TENM1: variants seen among roughly 807,000 people sequenced by gnomAD.
TENM1 encodes teneurin-1.
TENM1 carries 35 observed loss-of-function variants against 174.8 expected under a neutral mutation model. That is an observed-to-expected ratio of 0.20 (90% CI 0.15 to 0.27). The LOEUF is 0.27. TENM1 is among the 10% of genes least tolerant of loss of function. The pLI is 1.00. For synonymous variants in TENM1, 781 were observed against 798.7 expected (o/e 0.98, Z 0.37); for missense variants, 1,633 against 2,130.1 (o/e 0.77, Z 4.59).
At chrX:125,093,793 G>T in the TENM1 span, among the ~76,000 whole-genome samples, 1 of 111,550 alleles carries the variant, frequency 9.0e-6, no homozygotes, top group Non-Finnish European at 1.9e-5. Context: ...ATCATTTCAA[G>T]AAATATTATA....
chrX:125,201,250 C>G, the TENM1 span, among the ~76,000 whole-genome samples: 5 of 112,147 alleles, frequency 4.5e-5, no homozygotes, highest in Non-Finnish European at 7.5e-5. Context: ...CATATAATAG[C>G]TGAATTGAAA....
chrX:124,403,331 G>A (rs1364229207), intron 27 of TENM1, among the ~76,000 whole-genome samples: 1 of 108,829 alleles, frequency 9.2e-6, no homozygotes, highest in Non-Finnish European at 1.9e-5. Context: ...CCATCCTGGC[G>A]AACACGGTGA....
In TENM1 at chrX:124,765,430, T is replaced by TG. The variant is rs777264681; in HGVS notation, c.536-28234dup. On this transcript the variant is annotated intron_variant, in intron 3 of 31. Coordinates refer to ENST00000422452, the Ensembl canonical transcript of TENM1. ...AATGACTCTCATAGCACCTGCAGTG[T>TG]GGTACACAGCCAGTACTTAGCAAAT... Among the ~76,000 whole-genome samples, 831 of 112,060 alleles carry TG rather than the reference T, an allele frequency of 7.4e-3. 6 individuals are homozygous for TG. Among genetic ancestry groups the TG allele is most frequent in the Non-Finnish European group, 9.8e-3 (522 of 53,176 alleles).
At chrX:124,731,224 G>A (rs1239029262) in intron 4 of TENM1, among the ~76,000 whole-genome samples, 1 of 111,789 alleles carries the variant, frequency 8.9e-6, no homozygotes, top group Non-Finnish European at 1.9e-5. Context: ...AAGAGCAAGG[G>A]TAGGAGAGAC....
intron 3 of TENM1, among the ~76,000 whole-genome samples, chrX:124,841,501 A>G (rs944748747): frequency 4.5e-5 from 5 of 110,660 alleles, no homozygotes; most frequent in African/African-American, 1.6e-4. Context: ...ATCATGCACA[A>G]TTGCTTCTGT....
At chrX:124,647,483 T>C (rs2051188304) in intron 8 of TENM1, among the ~76,000 whole-genome samples, 1 of 111,334 alleles carries the variant, frequency 9.0e-6, no homozygotes, top group South Asian at 3.8e-4. Context: ...TCAGATGAAT[T>C]GAGATGGCTT....
the TENM1 span, among the ~76,000 whole-genome samples, chrX:125,067,028 C>CAGAGGCTCTAT: frequency 9.0e-6 from 1 of 111,086 alleles, no homozygotes; most frequent in African/African-American, 3.3e-5. Flanking sequence ...GAGTGAAGTT[C>CAGAGGCTCTAT]AGAGGCTCTA....
At chrX:124,644,604 T>G (rs2051109944) in intron 10 of TENM1, among the ~76,000 whole-genome samples, 1 of 110,868 alleles carries the variant, frequency 9.0e-6, no homozygotes, top group South Asian at 3.8e-4. Flanking sequence ...TATAAAGGCA[T>G]GGCTTTGAAA....
exon 32 of TENM1, chrX:124,378,710 T>C (rs949858857): frequency 1.8e-5 from 2 of 112,222 alleles, no homozygotes; most frequent in African/African-American, 6.5e-5. Context: ...AATACACCCT[T>C]CCCTACTGTT....
the TENM1 span, among the ~76,000 whole-genome samples, chrX:125,080,113 T>A: frequency 4.4e-4 from 49 of 111,214 alleles, no homozygotes; most frequent in Non-Finnish European, 7.4e-4. Context: ...AGCATCAGCA[T>A]CACCTGGAAG....
intron 6 of TENM1, among the ~76,000 whole-genome samples, chrX:124,660,967 A>T (rs1048338880): frequency 8.9e-5 from 10 of 112,537 alleles, no homozygotes; most frequent in Non-Finnish European, 1.7e-4. Context: ...ATAGCCCAAA[A>T]GTGAAAATCC....
intron 11 of TENM1, among the ~76,000 whole-genome samples, chrX:124,571,249 A>G (rs1408942063): frequency 8.9e-6 from 1 of 112,372 alleles, no homozygotes; most frequent in Admixed American, 9.5e-5. Context: ...ACTTAAAAAG[A>G]ATTCATGAAT....
chrX:125,104,686 GA>G, the TENM1 span, among the ~76,000 whole-genome samples: 1 of 109,807 alleles, frequency 9.1e-6, no homozygotes, highest in Non-Finnish European at 1.9e-5. Context: ...TCAGCATACA[GA>G]ATATTCACAA....
chrX:124,715,012 A>C lies in TENM1; in HGVS notation c.777-9761T>G, dbSNP rs142021989. Among the ~76,000 whole-genome samples the C allele has an allele frequency of 4.4e-3, 496 of 112,531 alleles. 2 individuals carry two copies. Among genetic ancestry groups the C allele is most frequent in the African/African-American group, 0.016 (483 of 31,084 alleles). On this transcript the variant is annotated intron_variant, in intron 4 of 31. Coordinates refer to ENST00000422452, the Ensembl canonical transcript of TENM1. ...CAGTTGAAGAGTAAATACCAAATTA[A>C]TATTTTCTATTAATGCAAATGTTCC...
intron 11 of TENM1, among the ~76,000 whole-genome samples, chrX:124,614,969 G>C (rs1411230813): frequency 1.8e-5 from 2 of 112,070 alleles, no homozygotes; most frequent in East Asian, 5.6e-4. Flanking sequence ...TGCTTCAAGA[G>C]CTAGGAACAT....
At chrX:125,108,433 C>T in the TENM1 span, among the ~76,000 whole-genome samples, 1 of 111,444 alleles carries the variant, frequency 9.0e-6, no homozygotes, top group Non-Finnish European at 1.9e-5. Context: ...TGATAAAAAG[C>T]TTTTTAGCCT....
intron 6 of TENM1, among the ~76,000 whole-genome samples, chrX:124,658,252 G>C (rs1359547217): frequency 9.0e-6 from 1 of 111,588 alleles, no homozygotes; most frequent in Non-Finnish European, 1.9e-5. Context: ...CAATTTTTCA[G>C]GGGTAGATTT....
At chrX:125,089,062 G>A in the TENM1 span, among the ~76,000 whole-genome samples, 1 of 111,037 alleles carries the variant, frequency 9.0e-6, no homozygotes, top group African/African-American at 3.3e-5. Flanking sequence ...TCATAAAGCC[G>A]CATAGAGGTT....
At chrX:124,655,104 C>T (rs1180934896) in intron 6 of TENM1, among the ~76,000 whole-genome samples, 1 of 111,323 alleles carries the variant, frequency 9.0e-6, no homozygotes, top group Admixed American at 9.5e-5. Flanking sequence ...AAGTGATGCC[C>T]ATGTCGCATG....
Sources: allele counts gnomAD v4.1 joint callset (sites outside exome capture counted in the v4.1 genomes callset), GRCh38; gene constraint gnomAD v4.1.1; transcripts MANE v1.5; gene names NCBI Gene and HGNC (gene_info 2026-07-23, HGNC 2026-07-21).